The following POFUT2 variants were observed in gnomAD, a reference collection of about 807,000 sequenced individuals.
POFUT2 encodes the protein protein O-fucosyltransferase 2.
Under a neutral mutation model 55.0 loss-of-function variants are expected in POFUT2, and 30 were observed. The ratio of observed to expected loss-of-function variants is 0.55; its 90% CI spans 0.41 to 0.74. The LOEUF (loss-of-function observed/expected upper bound fraction) is 0.74, where lower values mean the gene tolerates loss of function less well. Among genes scored for constraint, POFUT2 ranks in the 30% least tolerant of loss-of-function variants. The pLI is 0.00. For missense variants in POFUT2, 524 were observed against 562.6 expected, an observed-to-expected ratio of 0.93 and a Z score of 0.69; for synonymous variants, 267 against 231.1, an observed-to-expected ratio of 1.16 and a Z score of -1.41.
intron 8 of POFUT2, chr21:45,266,354 G>A (rs2093154290): frequency 7.6e-7 from 1 of 1,317,664 alleles, no homozygotes; most frequent in African/African-American, 1.5e-5. Flanking sequence ...AGCACTGGTG[G>A]GGAGACCCTC....
intron 2 of POFUT2, among the ~76,000 whole-genome samples, chr21:45,283,787 A>G (rs1215481094): frequency 3.9e-5 from 6 of 152,078 alleles, no homozygotes; most frequent in Non-Finnish European, 7.4e-5. Flanking sequence ...TGGCTGCAGC[A>G]GGCCCCATCC....
In POFUT2 at chr21:45,277,474, C is replaced by G. The variant is rs940594826; in HGVS notation, c.706-332G>C. 3 of 336,520 alleles carry G rather than the reference C, an allele frequency of 8.9e-6. No homozygotes were observed. Among genetic ancestry groups the G allele is most frequent in the Non-Finnish European group, 1.7e-5 (3 of 177,636 alleles). The allele number at this position is 336,520 out of a possible 1,614,324, so 20.8% of individuals were successfully genotyped here. ...CCTTCCCCTCAGTCTCTCCCCAACT[C>G]GACTTCTAGCTTAGGCGGTTAGCAC... is the stretch of plus-strand genomic sequence containing the variant. On this transcript the variant is annotated intron_variant, in intron 5 of 8. Coordinates refer to ENST00000349485, the MANE Select transcript of POFUT2 (RefSeq NM_133635.6). The surrounding 1 kb of genome is among the most constrained non-coding windows in gnomAD (Gnocchi z 6.9).
At chr21:45,278,042 A>G in intron 5 of POFUT2, 61 bp downstream of exon 5, 2 of 1,301,606 alleles carry the variant, frequency 1.5e-6, no homozygotes, top group East Asian at 4.6e-5. Context: ...TTAAATTTTC[A>G]AAAGCTAAAT....
chr21:45,267,666 G>A lies in POFUT2; in HGVS notation c.1060C>T (p.Pro354Ser). The change falls in exon 8 of 9, where the codon CCC (proline) becomes TCC (serine). Residue 354 changes from proline to serine, a missense_variant. Pro to Ser is a moderately conservative substitution (Grantham distance 74). Around this residue, in one of 2 missense-constraint regions of POFUT2, gnomAD observed 250 missense variants for 318.2 expected, o/e 0.79. Coordinates refer to ENST00000349485, the MANE Select transcript of POFUT2 (RefSeq NM_133635.6). This position sits in a 1 kb window ranked among gnomAD's most constrained non-coding sequence, Gnocchi z 4.4. ...KLLPEMVRFEPTWEELELYKD... is the reference protein window; with the variant it reads ...KLLPEMVRFESTWEELELYKD... ...TAGAGCTCCAGCTCCTCCCACGTGG[G>A]TTCAAACCTCACCATCTCGGGTAAC... 1 of 1,614,202 alleles carries A rather than the reference G, an allele frequency of 6.2e-7. No homozygotes were observed. Among genetic ancestry groups the A allele is most frequent in the Non-Finnish European group, 8.5e-7 (1 of 1,180,040 alleles).
At position 45,277,389 on chromosome 21, in the gene POFUT2, C is replaced by T; in HGVS notation, c.706-247G>A. Reference sequence around the variant, plus strand: ...CTCTGCCAGCCCCTGCCGTGGGAAGCTGCGGCACACACTGGGCTCAGCTGG... The same window carrying T: ...CTCTGCCAGCCCCTGCCGTGGGAAGTTGCGGCACACACTGGGCTCAGCTGG... On this transcript the variant is annotated intron_variant, in intron 5 of 8. Transcript: ENST00000349485. The surrounding 1 kb of genome is among the most constrained non-coding windows in gnomAD (Gnocchi z 6.9). 1 of 505,492 alleles carries T rather than the reference C, an allele frequency of 2.0e-6. No individual in the cohort carries two copies. The highest frequency in any genetic ancestry group is 3.6e-6 in the Non-Finnish European group (1 of 278,798). The allele number at this position is 505,492 out of a possible 1,614,324, so 31.3% of individuals were successfully genotyped here.
Position 45,285,532 on chromosome 21 carries a change from C to T in POFUT2, c.382+146G>A. On this transcript the variant is annotated intron_variant, in intron 2 of 8. Coordinates refer to ENST00000349485, the MANE Select transcript of POFUT2 (RefSeq NM_133635.6). The surrounding 1 kb of genome is among the most constrained non-coding windows in gnomAD (Gnocchi z 4.9). The stretch of plus-strand genomic sequence containing the variant: ...TGCTCCTGAACGGAGGAGGTGCTGC[C>T]ACAGGCCTCAGGCAGCAGCACTGGG... The T allele has an allele frequency of 1.1e-6, 1 of 926,108 alleles. No individual in the cohort carries two copies. Among genetic ancestry groups the T allele is most frequent in the South Asian group, 1.4e-5 (1 of 73,688 alleles). 57.4% of individuals were successfully genotyped at this position (926,108 alleles called of 1,614,324 possible).
At position 45,287,780 on chromosome 21, in the gene POFUT2, G is replaced by A. The variant is rs1231432695; in HGVS notation, c.92C>T (p.Ser31Leu). ...CGCCCCCGACAGAATATCGGCCGCC[G>A]ATTGTCCGGGCCAGAACTCCTGGCC... ...ASGQEFWPGQ[S>L]AADILSGAAS... is the part of the protein sequence containing the mutation. Residue 31 changes from serine to leucine, a missense_variant, in exon 1 of 9, where the codon TCG becomes TTG. This residue lies in a region of POFUT2 where 274 missense variants were observed against 244.4 expected (regional missense o/e 1.12). Transcript: ENST00000349485. 1.3e-6 allele frequency: 2 copies of A among 1,488,204 alleles called. No homozygotes were observed. Among genetic ancestry groups the A allele is most frequent in the Non-Finnish European group, 1.8e-6 (2 of 1,112,328 alleles). The allele number at this position is 1,488,204 out of a possible 1,614,324, so 92.2% of individuals were successfully genotyped here. A position where few individuals can be genotyped will look rare whatever the true frequency, so the allele number is the denominator to read the frequency against.
chr21:45,267,755 A>G lies in POFUT2; in HGVS notation c.1013-42T>C, dbSNP rs369337625. On this transcript the variant is annotated intron_variant, in intron 7 of 8. Coordinates refer to ENST00000349485, the MANE Select transcript of POFUT2 (RefSeq NM_133635.6). The surrounding 1 kb of genome is among the most constrained non-coding windows in gnomAD (Gnocchi z 4.4). ...GAGACCCTTTGAACCGGGATCCTCC[A>G]GTAAGGACAGATACGTGACTCTTTA... 3.8e-6 allele frequency: 6 copies of G among 1,567,446 alleles called. No homozygotes were observed. Among genetic ancestry groups the G allele is most frequent in the Non-Finnish European group, 5.3e-6 (6 of 1,139,922 alleles).
intron 8 of POFUT2, chr21:45,266,532 A>G: frequency 4.6e-6 from 5 of 1,077,880 alleles, no homozygotes; most frequent in Non-Finnish European, 5.7e-6. Flanking sequence ...AGCACCGCCA[A>G]GGTCGCAGTC....
intron 6 of POFUT2, among the ~76,000 whole-genome samples, chr21:45,275,893 A>T (rs1217244565): frequency 3.9e-5 from 6 of 152,270 alleles, no homozygotes; most frequent in Non-Finnish European, 5.9e-5. Flanking sequence ...CTAAAAAAAA[A>T]AAATGATAAA....
intron 6 of POFUT2, among the ~76,000 whole-genome samples, chr21:45,272,017 C>T (rs2093223186): frequency 6.6e-6 from 1 of 152,098 alleles, no homozygotes; most frequent in Admixed American, 6.5e-5. Context: ...ATTCAGGCAG[C>T]AACTAGTATG....
At chr21:45,286,091 T>TA (rs2031377556) in intron 1 of POFUT2, among the ~76,000 whole-genome samples, 163 bp from the exon 2 acceptor site, 1 of 152,226 alleles carries the variant, frequency 6.6e-6, no homozygotes, top group African/African-American at 2.4e-5. Flanking sequence ...ACCAGTTACT[T>TA]ACGGAGCCTG....
intron 6 of POFUT2, among the ~76,000 whole-genome samples, chr21:45,273,983 A>G (rs902720711): frequency 2.0e-5 from 3 of 152,220 alleles, no homozygotes; most frequent in African/African-American, 7.2e-5. Context: ...GACAAGAGAA[A>G]GAAATAAACG....
At chr21:45,276,059 C>G (rs1008440600) in intron 6 of POFUT2, among the ~76,000 whole-genome samples, 16 of 151,962 alleles carry the variant, frequency 1.1e-4, no homozygotes, top group Non-Finnish European at 4.4e-5. Flanking sequence ...TGCGGTGGCA[C>G]GCGCCTGTGA....
At chr21:45,280,964 C>A (rs1421846884) in intron 4 of POFUT2, among the ~76,000 whole-genome samples, 1 of 152,258 alleles carries the variant, frequency 6.6e-6, no homozygotes, top group Non-Finnish European at 1.5e-5. Context: ...CTTTACCAAT[C>A]TTTCTTTTTT....
Position 45,267,537 on chromosome 21 carries a change from A to AC in POFUT2, c.1136+52dup. 1 of 1,614,124 alleles carries AC rather than the reference A, an allele frequency of 6.2e-7. No homozygotes were observed. Among genetic ancestry groups the AC allele is most frequent in the Non-Finnish European group, 8.5e-7 (1 of 1,180,022 alleles). ...GACACCGAGTACTTGGGACAGAAGA[A>AC]CCTTTGAAAGCCACCCGACCCGCTC... On this transcript the variant is annotated intron_variant, in intron 8 of 8. Coordinates refer to ENST00000349485, the MANE Select transcript of POFUT2 (RefSeq NM_133635.6). This position sits in a 1 kb window ranked among gnomAD's most constrained non-coding sequence, Gnocchi z 4.4.
rs2030832321 is a variant in POFUT2, at chr21:45,282,678, A to G, written c.528-219T>C. Reference sequence around the variant, plus strand: ...CTGATGGACCACTGAGGCTTTCCCCATGATAGGGGCTGGCGGGATGGCCGG... The same window carrying G: ...CTGATGGACCACTGAGGCTTTCCCCGTGATAGGGGCTGGCGGGATGGCCGG... On this transcript the variant is annotated intron_variant, in intron 3 of 8. Coordinates refer to ENST00000349485, the MANE Select transcript of POFUT2 (RefSeq NM_133635.6). The surrounding 1 kb of genome is among the most constrained non-coding windows in gnomAD (Gnocchi z 4.6). 2.1e-5 allele frequency: 12 copies of G among 573,448 alleles called. No individual in the cohort carries two copies. The South Asian group carries it at 2.1e-4, about 10-fold the overall frequency. The allele number at this position is 573,448 out of a possible 1,614,324, so 35.5% of individuals were successfully genotyped here. A position where few individuals can be genotyped will look rare whatever the true frequency, so the allele number is the denominator to read the frequency against.
intron 6 of POFUT2, 24 bp downstream of exon 6, chr21:45,276,993 A>G (rs994776718): frequency 6.2e-7 from 1 of 1,612,362 alleles, no homozygotes; most frequent in African/African-American, 1.3e-5. Context: ...CTTTTCTCTA[A>G]TTAACAAAAG....
intron 4 of POFUT2, among the ~76,000 whole-genome samples, chr21:45,280,142 C>A (rs1851426666): frequency 6.6e-6 from 1 of 152,156 alleles, no homozygotes; most frequent in African/African-American, 2.4e-5. Flanking sequence ...AGCCCCCACC[C>A]GGGTGGAGGA....
Sources: allele counts gnomAD v4.1 joint callset (sites outside exome capture counted in the v4.1 genomes callset), GRCh38; gene constraint gnomAD v4.1.1; regional missense constraint gnomAD v4.1.1; non-coding constraint Gnocchi (gnomAD v3.1); transcripts MANE v1.5; gene names NCBI Gene and HGNC (gene_info 2026-07-23, HGNC 2026-07-21).